Variants in FAAH2 observed in about 807,000 individuals in gnomAD.
The protein encoded by FAAH2 is fatty acid amide hydrolase 2.
A neutral mutation model predicts 36.9 loss-of-function variants in FAAH2; 60 were observed. The ratio of observed to expected loss-of-function variants is 1.63; its 90% confidence interval spans 1.32 to 2.02. The LOEUF (loss-of-function observed/expected upper bound fraction) is 2.02. Ranked by LOEUF, FAAH2 falls within the 30% of genes most tolerant of loss-of-function variation. The pLI is 0.00. For synonymous variants in FAAH2, 214 were observed against 143.8 expected, an observed-to-expected ratio of 1.49 and a Z score of -3.49; for missense variants, 689 against 397.5, an observed-to-expected ratio of 1.73 and a Z score of -6.23.
chrX:57,148,237 T>C, the FAAH2 span, among the ~76,000 whole-genome samples: 1 of 111,601 alleles, frequency 9.0e-6, no homozygotes, highest in Non-Finnish European at 1.9e-5. Context: ...ATTGACTTGG[T>C]GATGCAGGCT....
chrX:57,381,090 C>T (rs1356433298), intron 7 of FAAH2, 61 bp downstream of exon 7: 6 of 852,819 alleles, frequency 7.0e-6, no homozygotes, highest in Non-Finnish European at 1.0e-5. Flanking sequence ...CCTTCTGAGC[C>T]CTTTACTTCA....
intron 10 of FAAH2, among the ~76,000 whole-genome samples, chrX:57,476,986 T>A (rs760651200): frequency 3.6e-5 from 4 of 111,532 alleles, no homozygotes; most frequent in African/African-American, 9.8e-5. Context: ...TTTATTTGCA[T>A]AGAGGTGTTT....
chrX:57,292,477 C>T (rs1394406877), intron 1 of FAAH2, 21 bp from the exon 2 acceptor site: 2 of 1,181,990 alleles, frequency 1.7e-6, no homozygotes, highest in African/African-American at 1.8e-5. Flanking sequence ...TGGCTGCTGA[C>T]TAAAGTATTG....
At chrX:57,325,848 T>C (rs1436999131) in intron 3 of FAAH2, among the ~76,000 whole-genome samples, 2 of 26,218 alleles carry the variant, frequency 7.6e-5, no homozygotes, top group African/African-American at 1.7e-4. Flanking sequence ...TTCAGTTCTG[T>C]TCTGATCTTA....
intron 7 of FAAH2, among the ~76,000 whole-genome samples, chrX:57,387,233 C>G (rs2055047739): frequency 9.0e-6 from 1 of 111,144 alleles, no homozygotes; most frequent in Non-Finnish European, 1.9e-5. Flanking sequence ...AGCATGCTAA[C>G]CATCACCATT....
chrX:57,450,919 G>A (rs930805757), intron 10 of FAAH2, among the ~76,000 whole-genome samples: 1 of 111,086 alleles, frequency 9.0e-6, no homozygotes, highest in Non-Finnish European at 1.9e-5. Context: ...GCTTTACTTC[G>A]TAGTATTAGT....
chrX:57,341,093 T>A (rs2053674745), intron 4 of FAAH2, among the ~76,000 whole-genome samples, 178 bp from the exon 5 acceptor site: 1 of 112,266 alleles, frequency 8.9e-6, no homozygotes, highest in Non-Finnish European at 1.9e-5. Flanking sequence ...AATGGCTTAA[T>A]ATTCTCAAGT....
the FAAH2 span, among the ~76,000 whole-genome samples, chrX:57,179,808 G>T: frequency 9.0e-6 from 1 of 111,502 alleles, no homozygotes; most frequent in Non-Finnish European, 1.9e-5. Context: ...AAAAGCAACA[G>T]AATATACATT....
chrX:57,233,184 T>C, the FAAH2 span, among the ~76,000 whole-genome samples: 1 of 111,606 alleles, frequency 9.0e-6, no homozygotes, highest in Admixed American at 9.5e-5. Context: ...AGTAGAGATA[T>C]GTCATTTTGT....
At chrX:57,260,910 A>C in the FAAH2 span, among the ~76,000 whole-genome samples, 1 of 111,920 alleles carries the variant, frequency 8.9e-6, no homozygotes, top group African/African-American at 3.2e-5. Flanking sequence ...GTTGGTGAGA[A>C]TGTAGTGCAA....
chrX:57,404,670 C>A (rs983212039), intron 7 of FAAH2, among the ~76,000 whole-genome samples: 2 of 111,152 alleles, frequency 1.8e-5, no homozygotes, highest in South Asian at 3.8e-4. Flanking sequence ...ATACAACCTG[C>A]TGTAATACTT....
chrX:57,350,813 A>T (rs1343381321), intron 5 of FAAH2, among the ~76,000 whole-genome samples: 1 of 111,294 alleles, frequency 9.0e-6, no homozygotes, highest in Non-Finnish European at 1.9e-5. Flanking sequence ...CTAATTATGT[A>T]TTTACCCAAC....
At chrX:57,466,558 G>C (rs970791139) in intron 10 of FAAH2, among the ~76,000 whole-genome samples, 1 of 110,145 alleles carries the variant, frequency 9.1e-6, no homozygotes, top group East Asian at 2.9e-4. Flanking sequence ...CATTAAATTT[G>C]AATGGAACAA....
chrX:57,280,226 T>C, the FAAH2 span, among the ~76,000 whole-genome samples: 1 of 111,417 alleles, frequency 9.0e-6, no homozygotes, highest in African/African-American at 3.3e-5. Flanking sequence ...CAGATCTTTT[T>C]TTTTCTGTAC....
chrX:57,337,642 C>A (rs771628727), intron 4 of FAAH2, among the ~76,000 whole-genome samples: 103 of 111,826 alleles, frequency 9.2e-4, no homozygotes, highest in African/African-American at 2.9e-3. Flanking sequence ...ACAAACAGAA[C>A]TAAAGATAAA....
intron 4 of FAAH2, among the ~76,000 whole-genome samples, chrX:57,333,123 G>A (rs780771292): frequency 9.0e-6 from 1 of 111,103 alleles, no homozygotes; most frequent in East Asian, 2.8e-4. Context: ...TCTATAATGG[G>A]AGTTCTATAT....
At chrX:57,275,929 C>T in the FAAH2 span, among the ~76,000 whole-genome samples, 1 of 111,463 alleles carries the variant, frequency 9.0e-6, no homozygotes, top group Admixed American at 9.6e-5. Flanking sequence ...AAAGCAAGTC[C>T]TTAGATACCT....
intron 2 of FAAH2, among the ~76,000 whole-genome samples, chrX:57,300,504 C>A (rs191227155): frequency 2.4e-3 from 263 of 111,855 alleles, no homozygotes; most frequent in Non-Finnish European, 4.1e-3. Flanking sequence ...ACCATAAAAA[C>A]CCTAGAAGAA....
intron 7 of FAAH2, among the ~76,000 whole-genome samples, chrX:57,397,249 A>G (rs1053481686): frequency 1.8e-5 from 2 of 111,626 alleles, no homozygotes; most frequent in Non-Finnish European, 3.8e-5. Flanking sequence ...TGCAGTATTT[A>G]GGCCATTTAC....
Sources: gnomAD v4.1 joint callset for allele counts (sites outside exome capture counted in the v4.1 genomes callset) on GRCh38, gnomAD v4.1.1 for gene constraint, MANE v1.5 for transcripts, NCBI Gene and HGNC (gene_info 2026-07-23, HGNC 2026-07-21) for gene names.